Variants in DGKB observed in about 807,000 individuals in gnomAD.
DGKB encodes diacylglycerol kinase beta.
DGKB carries 67 observed loss-of-function variants against 114.3 expected under a neutral mutation model. That is an observed-to-expected ratio of 0.59 (90% CI 0.48 to 0.72). The LOEUF is 0.72. Ranked by LOEUF, DGKB falls within the 30% of genes least tolerant of loss-of-function variation. The pLI is 0.00. For synonymous variants in DGKB, 398 were observed against 323.1 expected (o/e 1.23, Z -2.49); for missense variants, 907 against 975.2 (o/e 0.93, Z 0.93).
At chr7:14,861,588 G>T (rs554476746) in intron 1 of DGKB, among the ~76,000 whole-genome samples, 1 of 151,958 alleles carries the variant, frequency 6.6e-6, no homozygotes, top group East Asian at 1.9e-4. Context: ...CACATTAGAT[G>T]CCTGTTTGCC....
At chr7:14,927,990 C>G (rs543305189) in intron 1 of DGKB, among the ~76,000 whole-genome samples, 1 of 151,800 alleles carries the variant, frequency 6.6e-6, no homozygotes, top group Non-Finnish European at 1.5e-5. Flanking sequence ...ATAGTTACTA[C>G]AAATGTACCC....
intron 5 of DGKB, among the ~76,000 whole-genome samples, chr7:14,724,307 C>A (rs145056098): frequency 0.011 from 1,654 of 152,128 alleles, 127 homozygotes; most frequent in Admixed American, 0.1. Context: ...ATGATTTTTA[C>A]ACTTAATCTT....
At chr7:14,323,589 C>G (rs1000578505) in intron 23 of DGKB, among the ~76,000 whole-genome samples, 1 of 152,054 alleles carries the variant, frequency 6.6e-6, no homozygotes, top group African/African-American at 2.4e-5. Context: ...AGTGAGAAGC[C>G]ATGCGAAGCC....
At chr7:14,399,459 T>A (rs6461096) in intron 21 of DGKB, among the ~76,000 whole-genome samples, 122,313 of 151,194 alleles carry the variant, frequency 0.81, 50,447 homozygotes, top group Non-Finnish European at 0.91. Context: ...TTTAGAAAAA[T>A]TATATTTTAT....
intron 10 of DGKB, among the ~76,000 whole-genome samples, 198 bp downstream of exon 10, chr7:14,685,047 C>T (rs1014735382): frequency 1.3e-5 from 2 of 151,990 alleles, no homozygotes; most frequent in Non-Finnish European, 2.9e-5. Context: ...TCATTTTTTT[C>T]CAACGGTAGG....
Position 14,214,269 on chromosome 7 carries a change from T to A in DGKB, c.2123-36118A>T, listed in dbSNP as rs80273094. 8.5e-3 allele frequency among the ~76,000 whole-genome samples: 1,297 copies of A among 152,250 alleles called. 15 individuals are homozygous for A. The highest frequency in any genetic ancestry group is 0.034 in the South Asian group (162 of 4,830). ...TGTCTCTAGCTCTATTTGTTGACAC[T>A]CTTGTCTTCATTTTCAACTTACATT... is the stretch of plus-strand genomic sequence containing the variant. On this transcript the variant is annotated intron_variant, in intron 23 of 25. Transcript: ENST00000402815.
intron 21 of DGKB, among the ~76,000 whole-genome samples, chr7:14,476,393 T>C (rs556028449): frequency 6.6e-6 from 1 of 152,244 alleles, no homozygotes; most frequent in African/African-American, 2.4e-5. Context: ...ATGTCTATTC[T>C]AGGTACAAAG....
At chr7:14,639,070 T>TA (rs76586892) in intron 13 of DGKB, among the ~76,000 whole-genome samples, 30,064 of 151,360 alleles carry the variant, frequency 0.2, 4,326 homozygotes, top group East Asian at 0.5. Flanking sequence ...TTTATTAAAT[T>TA]AAAAAAAACA....
intron 20 of DGKB, among the ~76,000 whole-genome samples, chr7:14,537,561 G>A (rs1226317835): frequency 1.3e-5 from 2 of 152,104 alleles, no homozygotes; most frequent in Non-Finnish European, 2.9e-5. Flanking sequence ...AATACATGGT[G>A]TTTGTAAAAT....
chr7:14,701,293 TA>T (rs1323375987), intron 7 of DGKB, among the ~76,000 whole-genome samples: 1 of 152,208 alleles, frequency 6.6e-6, no homozygotes, highest in Non-Finnish European at 1.5e-5. Flanking sequence ...TATACATCCT[TA>T]AAATTCTACT....
intron 6 of DGKB, among the ~76,000 whole-genome samples, chr7:14,702,055 G>T (rs952361164): frequency 1.5e-4 from 23 of 152,070 alleles, no homozygotes; most frequent in Admixed American, 1.1e-3. Context: ...AATATTCAAA[G>T]CCTGGGTATT....
At chr7:14,441,332 G>A (rs1015878831) in intron 21 of DGKB, among the ~76,000 whole-genome samples, 1 of 152,022 alleles carries the variant, frequency 6.6e-6, no homozygotes, top group Non-Finnish European at 1.5e-5. Context: ...TCAGACTGCA[G>A]ATTGGCTTGT....
At chr7:14,515,989 T>A (rs1239453629) in intron 20 of DGKB, among the ~76,000 whole-genome samples, 4 of 152,000 alleles carry the variant, frequency 2.6e-5, no homozygotes, top group Non-Finnish European at 5.9e-5. Context: ...GAACTACAGG[T>A]ATGTACCACC....
At chr7:14,678,147 A>C (rs574376128) in intron 12 of DGKB, among the ~76,000 whole-genome samples, 20 of 152,228 alleles carry the variant, frequency 1.3e-4, no homozygotes, top group East Asian at 3.9e-4. Flanking sequence ...CAGAGATTAA[A>C]GTGATCTTAC....
At chr7:14,875,444 C>G (rs1853131182) in intron 1 of DGKB, among the ~76,000 whole-genome samples, 2 of 152,098 alleles carry the variant, frequency 1.3e-5, no homozygotes, top group Non-Finnish European at 2.9e-5. Flanking sequence ...TAATTAAACA[C>G]TATAATCTGA....
At chr7:14,161,912 A>G (rs1370334235) in intron 25 of DGKB, among the ~76,000 whole-genome samples, 1 of 152,156 alleles carries the variant, frequency 6.6e-6, no homozygotes, top group Admixed American at 6.5e-5. Context: ...ATAATAAACT[A>G]TGATATTCTA....
intron 9 of DGKB, among the ~76,000 whole-genome samples, 160 bp downstream of exon 9, chr7:14,693,915 A>G (rs1313828236): frequency 1.3e-5 from 2 of 152,158 alleles, no homozygotes; most frequent in Non-Finnish European, 2.9e-5. Flanking sequence ...CTACACAAGG[A>G]GTTACTGTCA....
chr7:14,196,326 C>A (rs1785017631), intron 23 of DGKB, among the ~76,000 whole-genome samples: 1 of 152,066 alleles, frequency 6.6e-6, no homozygotes, highest in African/African-American at 2.4e-5. Context: ...TAAAAGCCTG[C>A]TAAAGTTTTC....
chr7:14,879,592 A>C (rs770519418), intron 1 of DGKB, among the ~76,000 whole-genome samples: 27 of 152,216 alleles, frequency 1.8e-4, no homozygotes, highest in Non-Finnish European at 3.8e-4. Flanking sequence ...TGAAGCCCCA[A>C]GTATCTCCCT....
Sources: allele counts gnomAD v4.1 joint callset (sites outside exome capture counted in the v4.1 genomes callset), GRCh38; gene constraint gnomAD v4.1.1; transcripts MANE v1.5; gene names NCBI Gene and HGNC (gene_info 2026-07-23, HGNC 2026-07-21).